The following TNKS2 variants were observed in gnomAD, a reference collection of about 807,000 sequenced individuals.
TNKS2 encodes the protein tankyrase 2.
In TNKS2, 72 loss-of-function variants were observed where a neutral mutation model predicts 137.6. The observed-to-expected ratio is 0.52, with a 90% CI of 0.43 to 0.64. The LOEUF is 0.64. Ranked by LOEUF, TNKS2 falls within the 30% of genes least tolerant of loss-of-function variation. The pLI is 0.00. For synonymous variants in TNKS2, 516 were observed against 512.1 expected, an observed-to-expected ratio of 1.01 and a Z score of -0.10; for missense variants, 1,049 against 1,410.2, an observed-to-expected ratio of 0.74 and a Z score of 4.10.
intron 23 of TNKS2, 152 bp from the exon 24 acceptor site, chr10:91,857,273 A>C (rs1842734084): frequency 2.3e-6 from 1 of 436,652 alleles, no homozygotes; most frequent in Non-Finnish European, 4.0e-6. Flanking sequence ...GGTTGGGACA[A>C]AGTATTTTTA....
At chr10:91,854,598 A>G (rs1160981699) in intron 21 of TNKS2, among the ~76,000 whole-genome samples, 1 of 152,134 alleles carries the variant, frequency 6.6e-6, no homozygotes, top group Non-Finnish European at 1.5e-5. Flanking sequence ...ACACTATGAA[A>G]TGTTTTTAAA....
Position 91,813,000 on chromosome 10 carries a change from G to A in TNKS2, c.217G>A (p.Val73Ile), listed in dbSNP as rs966364515. ...TCATCTAGGTTTTGGGCGGAAAGAC[G>A]TAGTTGAATATTTGCTTCAGAATGG... ...HFAAGFGRKD[V>I]VEYLLQNGAN... Residue 73 changes from valine (V) to isoleucine (I), a missense_variant, in exon 2 of 27, where the codon GTA becomes ATA. Physicochemically the swap from Val to Ile is conservative, Grantham distance 29. Around this residue, in one of 6 missense-constraint regions of TNKS2, gnomAD observed 374 missense variants for 460.8 expected, o/e 0.81. Transcript: ENST00000371627. 24 of 1,613,988 alleles carry A rather than the reference G, an allele frequency of 1.5e-5. No individual in the cohort carries two copies. The highest frequency in any genetic ancestry group is 2.2e-5 in the East Asian group (1 of 44,902).
intron 16 of TNKS2, among the ~76,000 whole-genome samples, chr10:91,843,254 A>G (rs1348083354): frequency 1.3e-5 from 2 of 152,188 alleles, no homozygotes; most frequent in East Asian, 3.8e-4. Context: ...CTAGGAGTCC[A>G]AGTTCAAGGT....
chr10:91,821,038 A>G (rs573507801), intron 6 of TNKS2, among the ~76,000 whole-genome samples: 4 of 151,908 alleles, frequency 2.6e-5, no homozygotes, highest in African/African-American at 7.2e-5. Context: ...TGTATTTTTT[A>G]TTTTATTTTA....
At chr10:91,816,959 ATACTT>A (rs1844723015) in intron 2 of TNKS2, among the ~76,000 whole-genome samples, 170 bp from the exon 3 acceptor site, 1 of 152,346 alleles carries the variant, frequency 6.6e-6, no homozygotes, top group Middle Eastern at 3.4e-3. Flanking sequence ...AAGTAATAGA[ATACTT>A]TATGTATTAT....
At chr10:91,811,918 A>G (rs1350783906) in intron 1 of TNKS2, among the ~76,000 whole-genome samples, 4 of 152,056 alleles carry the variant, frequency 2.6e-5, no homozygotes, top group Non-Finnish European at 5.9e-5. Flanking sequence ...AAATTAGCCA[A>G]GCATGGTGGC....
Position 91,819,353 on chromosome 10 carries a change from ACTTTTT to A in TNKS2, c.557+54_557+59del, listed in dbSNP as rs1844811714. 5 of 1,376,000 alleles carry A rather than the reference ACTTTTT, an allele frequency of 3.6e-6. No homozygotes were observed. The South Asian group carries it at 7.8e-5, about 21-fold the overall frequency. 85.2% of individuals were successfully genotyped at this position (1,376,000 alleles called of 1,614,324 possible). A position where few individuals can be genotyped will look rare whatever the true frequency, so the allele number is the denominator to read the frequency against. On this transcript the variant is annotated intron_variant, in intron 4 of 26. Transcript: ENST00000371627. ...ATGTGACAGGAATACTTCACCATTA[ACTTTTT>A]CTTTTTTTTTTTTTTTACAGTAAGC...
chr10:91,813,904 T>C (rs11186695), intron 2 of TNKS2, among the ~76,000 whole-genome samples: 106,275 of 152,068 alleles, frequency 0.7, 38,331 homozygotes, highest in East Asian at 0.91. Flanking sequence ...TAACCTAGTG[T>C]ACTGCCAGTC....
chr10:91,828,235 G>T, intron 8 of TNKS2, 50 bp from the exon 9 acceptor site: 2 of 1,414,018 alleles, frequency 1.4e-6, no homozygotes, highest in Non-Finnish European at 1.9e-6. Flanking sequence ...TTTAGATAAG[G>T]CTTTTCAATT....
At chr10:91,836,034 ATTTTTTTT>A (rs777452772) in intron 12 of TNKS2, among the ~76,000 whole-genome samples, 1 of 53,524 alleles carries the variant, frequency 1.9e-5, no homozygotes, top group Non-Finnish European at 3.4e-5. Context: ...TGTGTGTGTA[ATTTTTTTT>A]TTTTTTTTTT....
At chr10:91,814,748 A>G (rs1844623847) in intron 2 of TNKS2, among the ~76,000 whole-genome samples, 1 of 152,222 alleles carries the variant, frequency 6.6e-6, no homozygotes, top group Admixed American at 6.5e-5. Flanking sequence ...GGAGTAGGCT[A>G]TACCATGTAG....
chr10:91,836,992 T>C lies in TNKS2; in HGVS notation c.1521T>C (p.Thr507=), dbSNP rs777487475. Residue 507 remains threonine, a synonymous_variant, in exon 13 of 27, where the codon ACT becomes ACC. Coordinates refer to ENST00000371627, the MANE Select transcript of TNKS2 (RefSeq NM_025235.4). ...CTGCAAAGGCTGGAGATGTCGAAAC[T>C]GTAAAAGTAAGATACAGTGTTACGT... The part of the protein sequence containing the change: ...LEAAKAGDVE[T]VKKLCTVQSV... 1 of 1,613,156 alleles carries C rather than the reference T, an allele frequency of 6.2e-7. No homozygotes were observed. The highest frequency in any genetic ancestry group is 1.1e-5 in the South Asian group (1 of 90,910).
chr10:91,826,258 A>T (rs1344254229), intron 7 of TNKS2, among the ~76,000 whole-genome samples: 1 of 152,190 alleles, frequency 6.6e-6, no homozygotes, highest in Non-Finnish European at 1.5e-5. Flanking sequence ...GGAATTTTCC[A>T]CTTGTGTCGT....
intron 13 of TNKS2, among the ~76,000 whole-genome samples, chr10:91,837,521 C>G (rs1406709762): frequency 6.6e-6 from 1 of 152,168 alleles, no homozygotes; most frequent in Non-Finnish European, 1.5e-5. Context: ...AGAGTCTTCC[C>G]CAGAGTAACC....
Position 91,841,393 on chromosome 10 carries a change from C to T in TNKS2, c.1784C>T (p.Pro595Leu). 3 of 1,608,784 alleles carry T rather than the reference C, an allele frequency of 1.9e-6. No homozygotes were observed. The highest frequency in any genetic ancestry group is 2.5e-6 in the Non-Finnish European group (3 of 1,177,742). ...GTAGCTGATTTATGGAAATTTACACCTTTACATGAAGCAGCAGCAAAAGGA... is the reference window on the plus strand; with the variant it reads ...GTAGCTGATTTATGGAAATTTACACTTTTACATGAAGCAGCAGCAAAAGGA... ...VNVADLWKFT[P>L]LHEAAAKGKY... is the part of the protein sequence containing the mutation. The change falls in exon 15 of 27, where the codon CCT (proline) becomes CTT (leucine). Residue 595 changes from proline to leucine, a missense_variant. Around this residue, in one of 6 missense-constraint regions of TNKS2, gnomAD observed 328 missense variants for 436.0 expected, o/e 0.75. Coordinates refer to ENST00000371627, the MANE Select transcript of TNKS2 (RefSeq NM_025235.4).
At chr10:91,811,633 C>G (rs1426141075) in intron 1 of TNKS2, among the ~76,000 whole-genome samples, 2 of 152,176 alleles carry the variant, frequency 1.3e-5, no homozygotes, top group African/African-American at 4.8e-5. Flanking sequence ...TTTCAACTAT[C>G]TTTAGCTCTT....
chr10:91,836,612 A>G (rs1462823229), intron 12 of TNKS2: 1 of 984,654 alleles, frequency 1.0e-6, no homozygotes, highest in African/African-American at 1.7e-5. Context: ...CACCATTCCA[A>G]TGGCTTGCTT....
chr10:91,849,709 A>G (rs954711562), intron 20 of TNKS2, 115 bp downstream of exon 20: 1 of 731,344 alleles, frequency 1.4e-6, no homozygotes, highest in Non-Finnish European at 2.1e-6. Flanking sequence ...ATGTTTTTTA[A>G]GAAATGACAT....
intron 7 of TNKS2, among the ~76,000 whole-genome samples, chr10:91,824,932 G>T (rs907044949): frequency 7.9e-5 from 12 of 152,116 alleles, no homozygotes; most frequent in Non-Finnish European, 1.5e-4. Context: ...TCAATTTTAA[G>T]TATAAATTAT....
Sources: gnomAD v4.1 joint callset for allele counts (sites outside exome capture counted in the v4.1 genomes callset) on GRCh38, gnomAD v4.1.1 for gene constraint, gnomAD v4.1.1 regional missense constraint, MANE v1.5 for transcripts, NCBI Gene and HGNC (gene_info 2026-07-23, HGNC 2026-07-21) for gene names.